Variants in CNTN6 observed in about 807,000 individuals in gnomAD.
CNTN6 encodes contactin 6, also known as contactin-6.
Under a neutral mutation model 122.8 loss-of-function variants are expected in CNTN6, and 137 were observed. That is an observed-to-expected ratio of 1.12 (90% confidence interval 0.97 to 1.29). The LOEUF is 1.29. Among genes scored for constraint, CNTN6 ranks in the 50% most tolerant of loss-of-function variants. The pLI, the probability that CNTN6 is intolerant of heterozygous loss-of-function variation, is 0.00. For synonymous variants in CNTN6, 570 were observed against 426.0 expected, an observed-to-expected ratio of 1.34 and a Z score of -4.16; for missense variants, 1,634 against 1,223.4, an observed-to-expected ratio of 1.34 and a Z score of -5.01.
intron 5 of CNTN6, among the ~76,000 whole-genome samples, chr3:1,293,280 C>T (rs1473298609): frequency 6.6e-6 from 1 of 151,816 alleles, no homozygotes; most frequent in African/African-American, 2.4e-5. Flanking sequence ...TTTCTTCCTT[C>T]CTAAAATCTC....
At chr3:1,166,592 C>T (rs566545832) in intron 2 of CNTN6, among the ~76,000 whole-genome samples, 1 of 152,228 alleles carries the variant, frequency 6.6e-6, no homozygotes, top group Non-Finnish European at 1.5e-5. Flanking sequence ...GGGAAGGAAG[C>T]ACAGCACTTA....
At chr3:1,287,173 A>G (rs553368291) in intron 5 of CNTN6, among the ~76,000 whole-genome samples, 5 of 152,282 alleles carry the variant, frequency 3.3e-5, no homozygotes, top group East Asian at 3.9e-4. Context: ...CAGAAAATTA[A>G]CAACGATATT....
chr3:1,345,143 G>A (rs2648649), intron 11 of CNTN6, among the ~76,000 whole-genome samples: 2 of 150,482 alleles, frequency 1.3e-5, no homozygotes, highest in African/African-American at 2.4e-5. Flanking sequence ...TTGAGACAGG[G>A]TCTCACTTAG....
chr3:1,132,690 T>TAAATAAATA (rs1362170070), intron 1 of CNTN6, among the ~76,000 whole-genome samples: 2 of 149,514 alleles, frequency 1.3e-5, no homozygotes, highest in African/African-American at 2.5e-5. Flanking sequence ...AATAAATAAA[T>TAAATAAATA]AACGTGAAGA....
Position 1,137,725 on chromosome 3 carries a change from C to T in CNTN6, c.-82-10202C>T, listed in dbSNP as rs555486736. Among the ~76,000 whole-genome samples the T allele has an allele frequency of 9.2e-5, 14 of 152,228 alleles. No individual in the cohort carries two copies. In the East Asian group the frequency reaches 2.5e-3, roughly 27 times the overall value. On this transcript the variant is annotated intron_variant, in intron 1 of 22. Transcript: ENST00000446702. ...TTTTCCATTGTAATTATCATGTCAT[C>T]CAGGCTCAGAAAACTAATTTACTTC...
rs1321688344 is a variant in CNTN6, at chr3:1,373,971, T to C, written c.1993T>C (p.Leu665=). ...GKTYNATVVG[L]SPWVEYEFRV... ...GACATACAATGCAACAGTGGTTGGT[T>C]TGAGTCCTTGGGTGGAATATGAATT... The change falls in exon 16 of 23, where the codon TTG becomes CTG. Residue 665 remains leucine (L), a synonymous_variant. Transcript: ENST00000446702. 4.3e-6 allele frequency: 7 copies of C among 1,613,222 alleles called. No individual in the cohort carries two copies. Among genetic ancestry groups the C allele is most frequent in the Non-Finnish European group, 5.9e-6 (7 of 1,179,412 alleles).
intron 12 of CNTN6, 104 bp downstream of exon 12, chr3:1,352,555 T>TCAACAATTTTACA: frequency 7.2e-7 from 1 of 1,390,528 alleles, no homozygotes; most frequent in Non-Finnish European, 9.9e-7. Context: ...GTATGTAAAA[T>TCAACAATTTTACA]TGTTGATTTC....
chr3:1,290,672 G>C (rs1480075980), intron 5 of CNTN6, among the ~76,000 whole-genome samples: 2 of 152,188 alleles, frequency 1.3e-5, no homozygotes, highest in African/African-American at 4.8e-5. Flanking sequence ...TAGCAGCCCT[G>C]AGGGCTGCTG....
At chr3:1,298,675 ATAGAC>A (rs1197440273) in intron 7 of CNTN6, among the ~76,000 whole-genome samples, 4 of 152,152 alleles carry the variant, frequency 2.6e-5, no homozygotes, top group African/African-American at 9.7e-5. Flanking sequence ...AAGGAGACAG[ATAGAC>A]TAGACTGTCA....
chr3:1,295,699 A>G lies in CNTN6; in HGVS notation c.553A>G (p.Lys185Glu). ...SQETGNLYIA[K>E]VEPSDVGNYT... is the part of the protein sequence containing the mutation. ...AGAGACGGGAAACTTGTACATTGCC[A>G]AAGTGGAACCATCAGATGTGGGCAA... Residue 185 changes from lysine (K) to glutamate (E), a missense_variant, in exon 6 of 23, where the codon AAA becomes GAA. By Grantham distance (56) the Lys-to-Glu change is moderately conservative. Transcript: ENST00000446702. 1 of 1,614,086 alleles carries G rather than the reference A, an allele frequency of 6.2e-7. No homozygotes were observed.
At chr3:1,321,265 G>A (rs1405515485) in intron 7 of CNTN6, among the ~76,000 whole-genome samples, 3 of 151,648 alleles carry the variant, frequency 2.0e-5, no homozygotes, top group African/African-American at 7.3e-5. Flanking sequence ...ATAATAAATT[G>A]ACATAATCTT....
chr3:1,383,280 C>A lies in CNTN6; in HGVS notation c.2402-13C>A. ...CTCTGCTAAAGATGGTTATGTCTTT[C>A]TCTGGATGGTAGAACCTCAACTGGC... On this transcript the variant is annotated splice_polypyrimidine_tract_variant and intron_variant, in intron 18 of 22. Transcript: ENST00000446702. 2.5e-6 allele frequency: 4 copies of A among 1,608,650 alleles called. No individual in the cohort carries two copies. The highest frequency in any genetic ancestry group is 3.4e-6 in the Non-Finnish European group (4 of 1,175,044).
intron 5 of CNTN6, among the ~76,000 whole-genome samples, chr3:1,294,721 A>G (rs564607686): frequency 6.6e-6 from 1 of 152,238 alleles, no homozygotes; most frequent in South Asian, 2.1e-4. Context: ...GGATAGCTCT[A>G]GTTTATCGTG....
At chr3:1,361,400 T>C (rs1431586798) in intron 12 of CNTN6, among the ~76,000 whole-genome samples, 1 of 152,136 alleles carries the variant, frequency 6.6e-6, no homozygotes, top group Non-Finnish European at 1.5e-5. Flanking sequence ...TTTGGTTTTG[T>C]TCCTTTTGTT....
intron 20 of CNTN6, among the ~76,000 whole-genome samples, chr3:1,396,715 A>G (rs17038656): frequency 0.037 from 5,613 of 152,218 alleles, 114 homozygotes; most frequent in African/African-American, 0.057. Flanking sequence ...ACTTTCTTTC[A>G]CTTTATAAGT....
chr3:1,392,160 A>G (rs1350252307), intron 20 of CNTN6, among the ~76,000 whole-genome samples: 1 of 152,268 alleles, frequency 6.6e-6, no homozygotes, highest in African/African-American at 2.4e-5. Context: ...AAACTATACT[A>G]CAAGGCTACA....
chr3:1,386,471 A>ATGTT (rs1692954708), intron 20 of CNTN6, among the ~76,000 whole-genome samples: 1 of 152,154 alleles, frequency 6.6e-6, no homozygotes, highest in Non-Finnish European at 1.5e-5. Flanking sequence ...TAAAAGATGA[A>ATGTT]TGTTTTTCAT....
intron 7 of CNTN6, among the ~76,000 whole-genome samples, chr3:1,310,172 A>C (rs905878902): frequency 1.3e-5 from 2 of 152,164 alleles, no homozygotes; most frequent in African/African-American, 2.4e-5. Flanking sequence ...GTGAGTGATA[A>C]GAGTAAACAT....
At chr3:1,306,907 A>G (rs1698451788) in intron 7 of CNTN6, among the ~76,000 whole-genome samples, 1 of 152,178 alleles carries the variant, frequency 6.6e-6, no homozygotes, top group South Asian at 2.1e-4. Flanking sequence ...AATCTTTCTA[A>G]GAGTTACTGA....
Sources: allele counts gnomAD v4.1 joint callset (sites outside exome capture counted in the v4.1 genomes callset), GRCh38; gene constraint gnomAD v4.1.1; transcripts MANE v1.5; gene names NCBI Gene and HGNC (gene_info 2026-07-23, HGNC 2026-07-21).